The following STOX2 variants were observed in gnomAD, a reference collection of about 807,000 sequenced individuals.
STOX2 encodes the protein storkhead box 2.
In STOX2, 28 loss-of-function variants were observed where a neutral mutation model predicts 60.9. The observed-to-expected ratio is 0.46, with a 90% CI of 0.34 to 0.63. The LOEUF (loss-of-function observed/expected upper bound fraction) is 0.63, where lower values mean the gene tolerates loss of function less well. Ranked by LOEUF, STOX2 falls within the 30% of genes least tolerant of loss-of-function variation. The pLI is 0.01. For missense variants in STOX2, 1,024 were observed against 1,187.7 expected (o/e 0.86, Z 2.03); for synonymous variants, 472 against 463.9 (o/e 1.02, Z -0.22).
At chr4:183,801,182 G>A (rs1738756335) in intron 1 of STOX2, among the ~76,000 whole-genome samples, 1 of 152,200 alleles carries the variant, frequency 6.6e-6, no homozygotes, top group African/African-American at 2.4e-5. Flanking sequence ...CAAAGGAAAA[G>A]TGGTTTTGAC....
intron 1 of STOX2, among the ~76,000 whole-genome samples, chr4:183,969,480 C>T (rs1743674728): frequency 6.6e-6 from 1 of 152,188 alleles, no homozygotes; most frequent in South Asian, 2.1e-4. Flanking sequence ...GTTGCCCAAG[C>T]TGCTCTTGAA....
chr4:183,872,398 G>A (rs17075110), intron 1 of STOX2, among the ~76,000 whole-genome samples: 2,876 of 152,056 alleles, frequency 0.019, 93 homozygotes, highest in African/African-American at 0.065. Context: ...TGCCTTATTC[G>A]AAACACCTTC....
intron 1 of STOX2, among the ~76,000 whole-genome samples, chr4:183,942,785 A>G (rs566245222): frequency 6.6e-6 from 1 of 152,266 alleles, no homozygotes; most frequent in South Asian, 2.1e-4. Context: ...GATTTTCTAT[A>G]TCATGTGCTT....
chr4:183,862,649 G>T (rs961036553), intron 1 of STOX2, among the ~76,000 whole-genome samples: 2 of 152,230 alleles, frequency 1.3e-5, no homozygotes, highest in Non-Finnish European at 2.9e-5. Context: ...CATTTGAGTG[G>T]CAAGAAGAAG....
chr4:184,011,614 TA>T lies in STOX2; in HGVS notation c.2585+192del. 1 of 1,522,850 alleles carries T rather than the reference TA, an allele frequency of 6.6e-7. No homozygotes were observed. Among genetic ancestry groups the T allele is most frequent in the Non-Finnish European group, 8.8e-7 (1 of 1,139,238 alleles). 94.3% of individuals were successfully genotyped at this position (1,522,850 alleles called of 1,614,324 possible). On this transcript the variant is annotated intron_variant, in intron 3 of 3. Coordinates refer to ENST00000308497, the MANE Select transcript of STOX2 (RefSeq NM_020225.3). The surrounding 1 kb of genome is among the most constrained non-coding windows in gnomAD (Gnocchi z 4.4). ...ATTGAAAAAAATGTTTCTGCACCTG[TA>T]GAGATCACCAATCTGGACTGGTGGG...
At chr4:184,002,434 G>C (rs929321082) in intron 2 of STOX2, among the ~76,000 whole-genome samples, 5 of 152,224 alleles carry the variant, frequency 3.3e-5, no homozygotes, top group African/African-American at 1.2e-4. Flanking sequence ...CTACAAAAAT[G>C]CTGGGTAACA....
intron 1 of STOX2, among the ~76,000 whole-genome samples, chr4:183,963,867 C>G (rs1265817941): frequency 3.9e-5 from 6 of 151,984 alleles, no homozygotes; most frequent in African/African-American, 1.4e-4. Context: ...GCTCCGCCTC[C>G]CGGGTTCATG....
intron 1 of STOX2, among the ~76,000 whole-genome samples, chr4:183,892,492 G>T (rs2111184344): frequency 6.6e-6 from 1 of 152,234 alleles, no homozygotes; most frequent in South Asian, 2.1e-4. Flanking sequence ...GTATTAGCCA[G>T]GATGGTCTCG....
At chr4:183,877,257 T>G (rs913785620) in intron 1 of STOX2, among the ~76,000 whole-genome samples, 3 of 152,210 alleles carry the variant, frequency 2.0e-5, no homozygotes, top group Non-Finnish European at 4.4e-5. Context: ...GCGTATGGTC[T>G]GGGGACCAGC....
intron 1 of STOX2, among the ~76,000 whole-genome samples, chr4:183,934,838 C>T (rs778421696): frequency 1.3e-5 from 2 of 152,110 alleles, no homozygotes; most frequent in African/African-American, 2.4e-5. Flanking sequence ...TTCATATGTA[C>T]CTGCTTAGAT....
intron 1 of STOX2, among the ~76,000 whole-genome samples, chr4:183,915,925 G>A (rs1181442654): frequency 6.6e-6 from 1 of 152,242 alleles, no homozygotes; most frequent in Non-Finnish European, 1.5e-5. Flanking sequence ...AGTTCCAGCG[G>A]CCACAGGACA....
intron 1 of STOX2, among the ~76,000 whole-genome samples, chr4:183,971,333 A>T (rs556329819): frequency 6.6e-6 from 1 of 152,214 alleles, no homozygotes; most frequent in African/African-American, 2.4e-5. Context: ...CGTGGATAGG[A>T]GAGGTTCAGA....
intron 1 of STOX2, among the ~76,000 whole-genome samples, chr4:183,883,611 T>A (rs1741008243): frequency 6.6e-6 from 1 of 152,082 alleles, no homozygotes; most frequent in African/African-American, 2.4e-5. Flanking sequence ...CCACCGCGCC[T>A]GGCCGACCTG....
rs1734653935 is a variant in STOX2 at position 184,023,108 on chromosome 4, GGA to G, written c.*5826_*5827del. The G allele has an allele frequency of 6.6e-6, 1 of 152,144 alleles. No homozygotes were observed. The highest frequency in any genetic ancestry group is 1.5e-5 in the Non-Finnish European group (1 of 68,026). 9.4% of individuals were successfully genotyped at this position (152,144 alleles called of 1,614,324 possible). ...AGTGGGATTTACTGTATGTTAGAAAGGAGTTTTGCAGCCAAGACTGCCTTGAA... is the reference window on the plus strand; with the variant it reads ...AGTGGGATTTACTGTATGTTAGAAAGGTTTTGCAGCCAAGACTGCCTTGAA... On this transcript the variant is annotated 3_prime_UTR_variant, in exon 4 of 4. Coordinates refer to ENST00000308497, the MANE Select transcript of STOX2 (RefSeq NM_020225.3).
rs776378161 is a variant in STOX2 at position 183,825,976 on chromosome 4, T to C, written c.364+27921T>C. On this transcript the variant is annotated intron_variant, in intron 1 of 2. Transcript: ENST00000513034. This position sits in a 1 kb window ranked among gnomAD's most constrained non-coding sequence, Gnocchi z 4.1. Reference sequence around the variant, plus strand: ...GTCGCTGAAACCTTTGGGTAATCTATCACCTCTTCTTCTGCTCTTTCCTGT... The same window carrying C: ...GTCGCTGAAACCTTTGGGTAATCTACCACCTCTTCTTCTGCTCTTTCCTGT... Among the ~76,000 whole-genome samples, 1 of 151,792 alleles carries C rather than the reference T, an allele frequency of 6.6e-6. No homozygotes were observed. Among genetic ancestry groups the C allele is most frequent in the Non-Finnish European group, 1.5e-5 (1 of 67,970 alleles).
intron 2 of STOX2, among the ~76,000 whole-genome samples, chr4:184,008,922 A>G (rs997195368): frequency 2.0e-5 from 3 of 152,160 alleles, no homozygotes; most frequent in African/African-American, 7.2e-5. Context: ...GACTCCACCT[A>G]ACTTCCATCT....
chr4:184,003,200 G>T (rs1006730996), intron 2 of STOX2, among the ~76,000 whole-genome samples: 2 of 152,150 alleles, frequency 1.3e-5, no homozygotes, highest in African/African-American at 4.8e-5. Flanking sequence ...CAACCCAGCA[G>T]CTTTTTAAAT....
At chr4:183,837,151 T>C (rs1235876866) in intron 1 of STOX2, among the ~76,000 whole-genome samples, 1 of 151,934 alleles carries the variant, frequency 6.6e-6, no homozygotes, top group Non-Finnish European at 1.5e-5. Flanking sequence ...TCTCGGGGAG[T>C]GGGGAAGAGC....
At chr4:183,859,693 T>A (rs1579343948) in intron 1 of STOX2, among the ~76,000 whole-genome samples, 1 of 152,374 alleles carries the variant, frequency 6.6e-6, no homozygotes, top group Non-Finnish European at 1.5e-5. Context: ...AACTTGTTGT[T>A]GAAACCAAGA....
Sources: allele counts gnomAD v4.1 joint callset (sites outside exome capture counted in the v4.1 genomes callset), GRCh38; gene constraint gnomAD v4.1.1; non-coding constraint Gnocchi (gnomAD v3.1); transcripts MANE v1.5; gene names NCBI Gene and HGNC (gene_info 2026-07-23, HGNC 2026-07-21).